Variants in HIP1 observed in about 807,000 individuals in gnomAD.
The protein encoded by HIP1 is huntingtin-interacting protein 1.
In HIP1, 65 loss-of-function variants were observed where a neutral mutation model predicts 147.6. That is an observed-to-expected ratio of 0.44 (90% CI 0.36 to 0.54). The LOEUF (loss-of-function observed/expected upper bound fraction) is 0.54. Among genes scored for constraint, HIP1 ranks in the 20% least tolerant of loss-of-function variants. The pLI is 0.00. For synonymous variants in HIP1, 479 were observed against 504.0 expected, an observed-to-expected ratio of 0.95 and a Z score of 0.67; for missense variants, 1,061 against 1,299.6, an observed-to-expected ratio of 0.82 and a Z score of 2.82.
At chr7:75,610,460 A>G (rs1266500524) in intron 1 of HIP1, among the ~76,000 whole-genome samples, 1 of 151,396 alleles carries the variant, frequency 6.6e-6, no homozygotes, top group East Asian at 2.0e-4. Flanking sequence ...CCCTCCCCCA[A>G]CAGCCTCCCA....
intron 26 of HIP1, 61 bp from the exon 27 acceptor site, chr7:75,544,861 T>A: frequency 9.3e-7 from 1 of 1,080,396 alleles, no homozygotes; most frequent in Non-Finnish European, 1.4e-6. Context: ...TCCTCCACAA[T>A]CCCACCTCCA....
chr7:75,628,800 G>A (rs1182152722), intron 1 of HIP1, among the ~76,000 whole-genome samples: 2 of 152,170 alleles, frequency 1.3e-5, no homozygotes, highest in Admixed American at 6.6e-5. Context: ...TAAGGAAGAA[G>A]CCATCAAAGG....
chr7:75,585,573 T>A (rs1053097007), intron 5 of HIP1, among the ~76,000 whole-genome samples: 2 of 149,122 alleles, frequency 1.3e-5, no homozygotes, highest in Admixed American at 1.3e-4. Flanking sequence ...ACAAGCCCCC[T>A]CCCCTCCACA....
chr7:75,645,415 C>G (rs146996879), intron 1 of HIP1, among the ~76,000 whole-genome samples: 5,060 of 151,828 alleles, frequency 0.033, 71 homozygotes, highest in East Asian at 0.063. Context: ...TTAGTAGAGA[C>G]GGGGTTTCAC....
In HIP1 at chr7:75,610,239, T is replaced by C. The variant is rs1032708882; in HGVS notation, c.121-10992A>G. Among the ~76,000 whole-genome samples the C allele has an allele frequency of 6.7e-5, 10 of 149,828 alleles. No homozygotes were observed. In the South Asian group the frequency reaches 1.9e-3, roughly 29 times the overall value. On this transcript the variant is annotated intron_variant, in intron 1 of 30. Coordinates refer to ENST00000336926, the MANE Select transcript of HIP1 (RefSeq NM_005338.7). ...TTTTTTTTTATAAGAAACAGGGTCC[T>C]GTTCTGTCACCCAGGCTGGTGTGCA...
rs1229331962 is a variant in HIP1 at position 75,693,046 on chromosome 7, TC to T, written c.120+45754del. ...CAGGCGTGGTGCTACGCGCCTGTAA[TC>T]CCAGCTACTCAGGAGGCTGAGGCAC... On this transcript the variant is annotated intron_variant, in intron 1 of 30. Coordinates refer to ENST00000336926, the MANE Select transcript of HIP1 (RefSeq NM_005338.7). 4.6e-5 allele frequency among the ~76,000 whole-genome samples: 7 copies of T among 151,466 alleles called. No homozygotes were observed. In the East Asian group the frequency reaches 1.4e-3, roughly 30 times the overall value.
intron 1 of HIP1, among the ~76,000 whole-genome samples, chr7:75,723,712 T>G (rs1311618660): frequency 1.3e-5 from 2 of 152,004 alleles, no homozygotes; most frequent in Non-Finnish European, 2.9e-5. Flanking sequence ...GCTAGAGAAG[T>G]TACTCTGCTT....
chr7:75,633,748 A>T (rs1448969961), intron 1 of HIP1, among the ~76,000 whole-genome samples: 3 of 152,070 alleles, frequency 2.0e-5, no homozygotes, highest in African/African-American at 7.2e-5. Flanking sequence ...CTTCTACCAC[A>T]TCCCTCCTCC....
intron 1 of HIP1, among the ~76,000 whole-genome samples, chr7:75,609,995 T>G (rs1220067235): frequency 6.6e-6 from 1 of 150,834 alleles, no homozygotes; most frequent in Non-Finnish European, 1.5e-5. Context: ...CTCTGCTTCC[T>G]GAATTCAAGT....
intron 1 of HIP1, among the ~76,000 whole-genome samples, chr7:75,659,892 C>T (rs782186365): frequency 6.6e-6 from 1 of 151,950 alleles, no homozygotes; most frequent in Non-Finnish European, 1.5e-5. Flanking sequence ...CTTTGAGAGG[C>T]CGAGGTGGGT....
intron 1 of HIP1, among the ~76,000 whole-genome samples, chr7:75,659,909 C>CTT (rs2117208913): frequency 6.6e-6 from 1 of 151,538 alleles, no homozygotes; most frequent in East Asian, 2.0e-4. Context: ...GGGTGGATCA[C>CTT]GAGGTCAAGA....
At chr7:75,706,474 T>C (rs1456179772) in intron 1 of HIP1, among the ~76,000 whole-genome samples, 1 of 14,444 alleles carries the variant, frequency 6.9e-5, no homozygotes. Context: ...ATATATCTTC[T>C]TTTTTTTTAT....
At chr7:75,578,158 T>A (rs962108294) in intron 7 of HIP1, among the ~76,000 whole-genome samples, 3 of 152,108 alleles carry the variant, frequency 2.0e-5, no homozygotes, top group Non-Finnish European at 4.4e-5. Context: ...TGGTCCACGG[T>A]CTGTCAGGAA....
intron 1 of HIP1, among the ~76,000 whole-genome samples, chr7:75,616,145 A>G (rs1046477704): frequency 6.6e-6 from 1 of 151,892 alleles, no homozygotes; most frequent in Non-Finnish European, 1.5e-5. Context: ...AAACAAAAAC[A>G]AAGTATCTCG....
chr7:75,716,722 G>A (rs568996974), intron 1 of HIP1, among the ~76,000 whole-genome samples: 4 of 151,258 alleles, frequency 2.6e-5, no homozygotes, highest in African/African-American at 7.3e-5. Flanking sequence ...GGGTTTCACC[G>A]TGTTAGCCAG....
chr7:75,579,809 A>G (rs1305344013), intron 7 of HIP1, among the ~76,000 whole-genome samples: 1 of 152,178 alleles, frequency 6.6e-6, no homozygotes, highest in Non-Finnish European at 1.5e-5. Flanking sequence ...GCCTGTCCAC[A>G]TGCAGAGAAG....
At chr7:75,670,939 A>G (rs1584938455) in intron 1 of HIP1, among the ~76,000 whole-genome samples, 2 of 151,684 alleles carry the variant, frequency 1.3e-5, no homozygotes, top group East Asian at 3.9e-4. Flanking sequence ...TCTACTTTCT[A>G]TCTCTACGAT....
chr7:75,718,260 G>C (rs1189415270), intron 1 of HIP1, among the ~76,000 whole-genome samples: 1 of 152,152 alleles, frequency 6.6e-6, no homozygotes, highest in Non-Finnish European at 1.5e-5. Context: ...GGGAGGCTGA[G>C]GTGGGAGGGT....
chr7:75,600,270 C>T (rs782498811), intron 1 of HIP1, among the ~76,000 whole-genome samples: 1 of 151,848 alleles, frequency 6.6e-6, no homozygotes, highest in African/African-American at 2.4e-5. Flanking sequence ...ACTACCATGC[C>T]CAACTAATTT....
Sources: gnomAD v4.1 joint callset for allele counts (sites outside exome capture counted in the v4.1 genomes callset) on GRCh38, gnomAD v4.1.1 for gene constraint, MANE v1.5 for transcripts, NCBI Gene and HGNC (gene_info 2026-07-23, HGNC 2026-07-21) for gene names.